The following FAM171A1 variants were observed in gnomAD, a reference collection of about 807,000 sequenced individuals.
The protein encoded by FAM171A1 is family with sequence similarity 171 member A1, also known as protein FAM171A1.
In FAM171A1, 23 loss-of-function variants were observed where a neutral mutation model predicts 74.9. The observed-to-expected ratio is 0.31, with a 90% CI of 0.22 to 0.44. The LOEUF is 0.44. Among genes scored for constraint, FAM171A1 ranks in the 20% least tolerant of loss-of-function variants. FAM171A1 has a pLI of 1.00. For synonymous variants in FAM171A1, 527 were observed against 505.7 expected (o/e 1.04, Z -0.57); for missense variants, 1,162 against 1,159.2 (o/e 1.00, Z -0.03).
upstream of FAM171A1, among the ~76,000 whole-genome samples, chr10:15,373,916 T>C (rs920099979): frequency 4.6e-5 from 7 of 152,132 alleles, no homozygotes; most frequent in African/African-American, 1.4e-4. Context: ...CTGCCTTATT[T>C]TGTTGTTGTT....
chr10:15,274,283 C>G, intron 3 of FAM171A1, among the ~76,000 whole-genome samples: 1 of 152,140 alleles, frequency 6.6e-6, no homozygotes, highest in Non-Finnish European at 1.5e-5. Flanking sequence ...CTCCCATTCA[C>G]AATTGCTACA....
intron 5 of FAM171A1, among the ~76,000 whole-genome samples, chr10:15,236,729 G>A (rs1468734711): frequency 6.6e-6 from 1 of 152,134 alleles, no homozygotes; most frequent in Non-Finnish European, 1.5e-5. Flanking sequence ...GAAATATAGT[G>A]GCTTTACTTT....
At chr10:15,216,823 T>C (rs1281463062) in intron 6 of FAM171A1, among the ~76,000 whole-genome samples, 1 of 130,812 alleles carries the variant, frequency 7.6e-6, no homozygotes, top group South Asian at 2.3e-4. Flanking sequence ...GGGAATTTTA[T>C]ATTGCAGTGA....
At position 15,248,749 on chromosome 10, in the gene FAM171A1, C is replaced by T. The variant is rs749649412; in HGVS notation, c.644G>A (p.Gly215Glu). 1.1e-5 allele frequency: 17 copies of T among 1,613,698 alleles called. No individual in the cohort carries two copies. The highest frequency in any genetic ancestry group is 1.4e-5 in the Non-Finnish European group (17 of 1,179,782). Residue 215 changes from glycine (G) to glutamate (E), a missense_variant, in exon 5 of 8, where the codon GGA (glycine) becomes GAA (glutamate). Gly to Glu is a moderately conservative substitution (Grantham distance 98, BLOSUM62 -2). Coordinates refer to ENST00000378116, the MANE Select transcript of FAM171A1 (RefSeq NM_001010924.2). The stretch of plus-strand genomic sequence containing the variant: ...GGGACCATCCACCAGCACCGGCGTT[C>T]CATTACTGCTCAGCAAGTGGACGCT... ...AVSVHLLSSN[G>E]TPVLVDGPIY...
At chr10:15,253,976 G>T (rs1834542285) in intron 4 of FAM171A1, among the ~76,000 whole-genome samples, 1 of 152,210 alleles carries the variant, frequency 6.6e-6, no homozygotes, top group Non-Finnish European at 1.5e-5. Context: ...ATGGCTTTTA[G>T]TTTCTCTGAT....
At chr10:15,361,813 A>C (rs1835998494) in intron 1 of FAM171A1, among the ~76,000 whole-genome samples, 2 of 152,202 alleles carry the variant, frequency 1.3e-5, no homozygotes, top group Admixed American at 1.3e-4. Context: ...ATACAAATTC[A>C]ATCATTTTCC....
intron 5 of FAM171A1, among the ~76,000 whole-genome samples, chr10:15,238,528 AC>A (rs1834324530): frequency 1.8e-5 from 2 of 108,390 alleles, no homozygotes; most frequent in South Asian, 6.1e-4. Context: ...CTTCCCCCCC[AC>A]CCCCAATTAA....
chr10:15,360,263 C>A (rs750526511), intron 1 of FAM171A1, among the ~76,000 whole-genome samples: 8 of 152,122 alleles, frequency 5.3e-5, no homozygotes, highest in Non-Finnish European at 1.2e-4. Context: ...TTGTGAGACC[C>A]CAACCAGAGA....
intron 1 of FAM171A1, among the ~76,000 whole-genome samples, chr10:15,300,709 C>T (rs980371496): frequency 6.0e-5 from 9 of 150,586 alleles, no homozygotes; most frequent in African/African-American, 2.2e-4. Context: ...TTTGCCCTTT[C>T]TGGCTTACTG....
chr10:15,221,121 G>T, intron 5 of FAM171A1, 61 bp from the exon 6 acceptor site: 1 of 1,389,752 alleles, frequency 7.2e-7, no homozygotes, highest in Non-Finnish European at 1.0e-6. Context: ...TAAGGCTTGA[G>T]CATATTGTAA....
intron 1 of FAM171A1, among the ~76,000 whole-genome samples, chr10:15,333,511 A>T (rs1204993362): frequency 6.0e-5 from 9 of 151,212 alleles, no homozygotes; most frequent in Admixed American, 5.9e-4. Flanking sequence ...AAAAACAAAC[A>T]AATAGACAAC....
At chr10:15,356,245 CAT>C (rs34136690) in intron 1 of FAM171A1, among the ~76,000 whole-genome samples, 10 of 149,558 alleles carry the variant, frequency 6.7e-5, no homozygotes, top group Non-Finnish European at 1.3e-4. Context: ...TACATACATA[CAT>C]ATATATATAT....
chr10:15,295,256 T>C (rs1835147459), intron 1 of FAM171A1, among the ~76,000 whole-genome samples: 1 of 152,160 alleles, frequency 6.6e-6, no homozygotes, highest in South Asian at 2.1e-4. Context: ...TTGTTTTTAA[T>C]CCCCACTTTG....
chr10:15,294,262 T>C (rs1835135473), intron 1 of FAM171A1, among the ~76,000 whole-genome samples: 1 of 152,172 alleles, frequency 6.6e-6, no homozygotes, highest in Non-Finnish European at 1.5e-5. Flanking sequence ...GGCATGATTC[T>C]ATCTAGCTGG....
chr10:15,234,955 C>A (rs373393117), intron 5 of FAM171A1, among the ~76,000 whole-genome samples: 22 of 152,182 alleles, frequency 1.4e-4, no homozygotes, highest in African/African-American at 5.1e-4. Context: ...AGCCACCGTG[C>A]CGGGCCGATC....
intron 1 of FAM171A1, among the ~76,000 whole-genome samples, chr10:15,291,602 G>A (rs868368433): frequency 3.0e-4 from 46 of 152,274 alleles, no homozygotes; most frequent in African/African-American, 1.1e-3. Context: ...AAATCTACCT[G>A]AGCGTGACTC....
At chr10:15,299,304 G>A (rs1452974276) in intron 1 of FAM171A1, among the ~76,000 whole-genome samples, 9 of 152,154 alleles carry the variant, frequency 5.9e-5, no homozygotes, top group African/African-American at 2.2e-4. Flanking sequence ...CTTAGTTAAT[G>A]AGCAGTATTA....
chr10:15,316,917 G>C (rs146435666), intron 1 of FAM171A1, among the ~76,000 whole-genome samples: 547 of 152,252 alleles, frequency 3.6e-3, no homozygotes, highest in African/African-American at 0.013. Context: ...CAATGTAAAA[G>C]AGAAGACAGT....
Position 15,233,091 on chromosome 10 carries a change from G to A in FAM171A1, c.755-12031C>T, listed in dbSNP as rs140338582. Among the ~76,000 whole-genome samples the A allele has an allele frequency of 1.5e-3, 222 of 152,154 alleles. 2 individuals are homozygous for A. The East Asian group carries it at 0.034, about 23-fold the overall frequency. ...AGGCAGATCACGAGGTCAGGAGATC[G>A]AGACCATCCTGGCTAACACGGTGAA... On this transcript the variant is annotated intron_variant, in intron 5 of 7. Transcript: ENST00000378116.
Sources: gnomAD v4.1 joint callset for allele counts (sites outside exome capture counted in the v4.1 genomes callset) on GRCh38, gnomAD v4.1.1 for gene constraint, MANE v1.5 for transcripts, NCBI Gene and HGNC (gene_info 2026-07-23, HGNC 2026-07-21) for gene names.